Variants in CFP observed in about 807,000 individuals in gnomAD.
CFP encodes the protein properdin.
A neutral mutation model predicts 42.1 loss-of-function variants in CFP; 14 were observed. That is an observed-to-expected ratio of 0.33 (90% CI 0.22 to 0.52). The LOEUF (loss-of-function observed/expected upper bound fraction) is 0.52, where lower values mean the gene tolerates loss of function less well. Among genes scored for constraint, CFP ranks in the 20% least tolerant of loss-of-function variants. The pLI is 0.96. For synonymous variants in CFP, 149 were observed against 160.6 expected (o/e 0.93, Z 0.54); for missense variants, 318 against 400.4 (o/e 0.79, Z 1.76).
At position 47,626,804 on chromosome X, in the gene CFP, G is replaced by A. The variant is rs757743217; in HGVS notation, c.909C>T (p.Thr303=). 9.9e-6 allele frequency: 12 copies of A among 1,209,878 alleles called. No homozygotes were observed. The highest frequency in any genetic ancestry group is 1.3e-5 in the Non-Finnish European group (12 of 894,799). ...AGGGCACAGCTGTGTTGCAGATGTG[G>A]GTCCGGGTGGCATCGCCAGCACAGA... ...GPFCAGDATR[T]HICNTAVPCP... The change falls in exon 6 of 9, where the codon ACC becomes ACT. Residue 303 remains threonine (T), a synonymous_variant. Transcript: ENST00000396992.
Position 47,624,250 on chromosome X carries a change from G to C in CFP, c.*25C>G. 1 of 1,207,750 alleles carries C rather than the reference G, an allele frequency of 8.3e-7. No individual in the cohort carries two copies. The highest frequency in any genetic ancestry group is 1.1e-6 in the Non-Finnish European group (1 of 892,101). On this transcript the variant is annotated 3_prime_UTR_variant, in exon 9 of 9. Transcript: ENST00000396992. ...GTTTATTGAGGTTTGGAAGGTCAGG[G>C]GGCTCAGAGTGGAGGAGAGAAGTGT...
chrX:47,624,539 CTTTTTT>C (rs11385461), intron 8 of CFP, 99 bp from the exon 9 acceptor site: 5 of 307,656 alleles, frequency 1.6e-5, no homozygotes, highest in Middle Eastern at 1.1e-3. Context: ...CCGAGGGCTA[CTTTTTT>C]TTTTTTTTTT....
intron 2 of CFP, 36 bp downstream of exon 2, chrX:47,629,488 C>CCCCCCCCCCCCCCCCCCCCCCCCG (rs1404795301): frequency 1.5e-6 from 1 of 657,606 alleles, no homozygotes; most frequent in Non-Finnish European, 2.4e-6. Flanking sequence ...ACAGTCCTTC[C>CCCCCCCCCCCCCCCCCCCCCCCCG]CTCCCCCCCA....
rs931268734 is a variant in CFP at position 47,624,504 on chromosome X, A to G, written c.1245-64T>C. 2.9e-5 allele frequency: 28 copies of G among 968,816 alleles called. No homozygotes were observed. In the South Asian group the frequency reaches 4.0e-4, roughly 14 times the overall value. 79.8% of individuals were successfully genotyped at this position (968,816 alleles called of 1,213,427 possible). A position where few individuals can be genotyped will look rare whatever the true frequency, so the allele number is the denominator to read the frequency against. ...CTCAGGGAAGGCAAGAATGCATTCA[A>G]TTCTTATTGAGTGCCTGCTATATGC... On this transcript the variant is annotated intron_variant, in intron 8 of 8. Coordinates refer to ENST00000396992, the MANE Select transcript of CFP (RefSeq NM_001145252.3).
chrX:47,628,394 GA>G (rs1181181355), intron 2 of CFP, 117 bp from the exon 3 acceptor site: 1 of 692,986 alleles, frequency 1.4e-6, no homozygotes, highest in Admixed American at 2.6e-5. Flanking sequence ...GCGATGGATT[GA>G]TAAGTCCTTA....
intron 8 of CFP, 120 bp from the exon 9 acceptor site, chrX:47,624,560 C>CTT (rs371118050): frequency 2.8e-3 from 885 of 312,008 alleles, no homozygotes; most frequent in Middle Eastern, 6.7e-3. Flanking sequence ...TTTTTTTTTC[C>CTT]TTTTTTTTTT....
upstream of CFP, chrX:47,630,110 T>C: frequency 2.5e-6 from 1 of 401,273 alleles, no homozygotes; most frequent in East Asian, 4.2e-5. Flanking sequence ...CAATAGAAGC[T>C]CCTAGGACAA....
Position 47,626,104 on chromosome X carries a change from T to C in CFP, c.1198A>G (p.Thr400Ala), listed in dbSNP as rs373037904. ...GTGCAGAGGCGCTGGCGGGCACGGG[T>C]AGGATTAGGTCCACAGGGGGGCATG... ...LCMPPCGPNPTRARQRLCTPL... is the reference protein window; with the variant it reads ...LCMPPCGPNPARARQRLCTPL... Residue 400 changes from threonine to alanine, a missense_variant, in exon 8 of 9, where the codon ACC becomes GCC. Coordinates refer to ENST00000396992, the MANE Select transcript of CFP (RefSeq NM_001145252.3). 3.1e-5 allele frequency: 36 copies of C among 1,174,456 alleles called. No individual in the cohort carries two copies. Among genetic ancestry groups the C allele is most frequent in the Non-Finnish European group, 3.9e-5 (34 of 876,850 alleles).
intron 8 of CFP, 149 bp downstream of exon 8, chrX:47,625,909 T>C: frequency 1.9e-6 from 1 of 519,333 alleles, no homozygotes. Flanking sequence ...TCTTCTTAGT[T>C]TCTCCCCACT....
chrX:47,627,059 T>C lies in CFP; in HGVS notation c.766+82A>G. On this transcript the variant is annotated intron_variant, in intron 5 of 8. Coordinates refer to ENST00000396992, the MANE Select transcript of CFP (RefSeq NM_001145252.3). ...TGAAGGGCTGCATGGTCACATGGCCTAGGAACTCTAGAAATGGCAGAGCAT... is the reference window on the plus strand; with the variant it reads ...TGAAGGGCTGCATGGTCACATGGCCCAGGAACTCTAGAAATGGCAGAGCAT... 3.5e-6 allele frequency: 4 copies of C among 1,157,867 alleles called. No homozygotes were observed. In the South Asian group the frequency reaches 7.5e-5, roughly 22 times the overall value.
intron 5 of CFP, 37 bp downstream of exon 5, chrX:47,627,103 GC>G: frequency 4.2e-6 from 5 of 1,203,290 alleles, no homozygotes; most frequent in South Asian, 1.8e-5. Flanking sequence ...TCAATCAAGA[GC>G]CCCACCAGCA....
In CFP at chrX:47,626,786, A is replaced by G. The variant is rs1311415757; in HGVS notation, c.927T>C (p.Ala309=). Residue 309 remains alanine, a synonymous_variant, in exon 6 of 9, where the codon GCT becomes GCC. Transcript: ENST00000396992. ...TGAGATGCTGACCAGGGCAGGGCAC[A>G]GCTGTGTTGCAGATGTGGGTCCGGG... ...DATRTHICNT[A]VPCPVDGEWD... The G allele has an allele frequency of 8.3e-7, 1 of 1,208,472 alleles. No individual in the cohort carries two copies. Among genetic ancestry groups the G allele is most frequent in the African/African-American group, 1.7e-5 (1 of 57,420 alleles).
Position 47,627,519 on chromosome X carries a change from C to T in CFP, c.526G>A (p.Gly176Arg). The T allele has an allele frequency of 8.3e-7, 1 of 1,211,302 alleles. No individual in the cohort carries two copies. Among genetic ancestry groups the T allele is most frequent in the Non-Finnish European group, 1.1e-6 (1 of 895,133 alleles). The stretch of plus-strand genomic sequence containing the variant: ...CAGGCCTCTGATTCCTGTGCCTGTC[C>T]TGGGCAGTGGCCCCCACACTTGGGA... ...PAPKCGGHCP[G>R]QAQESEACDT... Residue 176 changes from glycine (G) to arginine (R), a missense_variant, in exon 4 of 9, where the codon GGA (glycine) becomes AGA (arginine). Gly to Arg is a moderately radical substitution (Grantham distance 125, BLOSUM62 -2). Transcript: ENST00000396992.
At position 47,626,774 on chromosome X, in the gene CFP, A is replaced by G. The variant is rs1462374513; in HGVS notation, c.939T>C (p.Pro313=). Residue 313 remains proline, a splice_region_variant and synonymous_variant, in exon 6 of 9, where the codon CCT becomes CCC. Transcript: ENST00000396992. ...THICNTAVPC[P]VDGEWDSWGE... The stretch of plus-strand genomic sequence containing the variant: ...AATCGTGAACCCTGAGATGCTGACC[A>G]GGGCAGGGCACAGCTGTGTTGCAGA... 8.3e-7 allele frequency: 1 copy of G among 1,204,064 alleles called. No individual in the cohort carries two copies. The highest frequency in any genetic ancestry group is 2.2e-5 in the Admixed American group (1 of 45,235).
chrX:47,629,637 T>C lies in CFP; in HGVS notation c.114A>G (p.Glu38=). The change falls in exon 2 of 9, where the codon GAA becomes GAG. Residue 38 remains glutamate, a synonymous_variant. Transcript: ENST00000396992. ...GGAGGCCCTTGCACTTGCCGGAGGA[T>C]TCTTCATACTGGGTGAAGCAGAGCA... ...DPVLCFTQYE[E]SSGKCKGLLG... The C allele has an allele frequency of 8.5e-7, 1 of 1,173,392 alleles. No homozygotes were observed. The highest frequency in any genetic ancestry group is 1.9e-5 in the South Asian group (1 of 53,197).
At chrX:47,629,168 CTA>C (rs1367790545) in intron 2 of CFP, 2 of 235,220 alleles carry the variant, frequency 8.5e-6, no homozygotes, top group Non-Finnish European at 7.7e-6. Context: ...TATGTGTGAG[CTA>C]TGTCAGTGGT....
chrX:47,629,497 C>A (rs1446043822), intron 2 of CFP, 27 bp downstream of exon 2: 5 of 772,407 alleles, frequency 6.5e-6, no homozygotes, highest in Non-Finnish European at 9.5e-6. Context: ...CCCTCCCCCC[C>A]ATCCCCCACC....
chrX:47,628,040 C>A, intron 3 of CFP, 62 bp downstream of exon 3: 3 of 1,166,358 alleles, frequency 2.6e-6, no homozygotes, highest in East Asian at 3.0e-5. Context: ...ACCTCTGTAC[C>A]GATCGTTCCC....
intron 6 of CFP, 123 bp from the exon 7 acceptor site, chrX:47,626,642 G>A: frequency 4.8e-6 from 5 of 1,030,934 alleles, no homozygotes; most frequent in Non-Finnish European, 6.7e-6. Context: ...GGGACCAGGG[G>A]TGGAAACAAG....
Sources: allele counts gnomAD v4.1 joint callset, GRCh38; gene constraint gnomAD v4.1.1; transcripts MANE v1.5; gene names NCBI Gene and HGNC (gene_info 2026-07-23, HGNC 2026-07-21).